The following BMPR2 variants were observed in gnomAD, a reference collection of about 807,000 sequenced individuals.
BMPR2 encodes bone morphogenetic protein receptor type 2.
Under a neutral mutation model 100.8 loss-of-function variants are expected in BMPR2, and 29 were observed. That is an observed-to-expected ratio of 0.29 (90% confidence interval 0.21 to 0.39). BMPR2 has a LOEUF of 0.39. BMPR2 is among the 10% of genes least tolerant of loss of function. BMPR2 has a pLI of 1.00. For synonymous variants in BMPR2, 382 were observed against 442.3 expected, an observed-to-expected ratio of 0.86 and a Z score of 1.71; for missense variants, 1,011 against 1,274.5, an observed-to-expected ratio of 0.79 and a Z score of 3.15.
intron 3 of BMPR2, among the ~76,000 whole-genome samples, chr2:202,510,188 G>A (rs964875956): frequency 6.6e-6 from 1 of 152,204 alleles, no homozygotes; most frequent in Non-Finnish European, 1.5e-5. Flanking sequence ...GGAGGCCAAG[G>A]TGGGCAGATC....
intron 3 of BMPR2, among the ~76,000 whole-genome samples, chr2:202,498,123 C>A (rs948499369): frequency 2.6e-5 from 4 of 152,158 alleles, no homozygotes; most frequent in Non-Finnish European, 4.4e-5. Flanking sequence ...GGCATAACAT[C>A]TTTATAGGAC....
chr2:202,465,724 G>A (rs1000933701), intron 2 of BMPR2, among the ~76,000 whole-genome samples: 2 of 152,122 alleles, frequency 1.3e-5, no homozygotes, highest in African/African-American at 4.8e-5. Flanking sequence ...CGGGCGTGGT[G>A]GCGGGCGCCT....
At chr2:202,466,779 G>A (rs1231569183) in intron 2 of BMPR2, among the ~76,000 whole-genome samples, 2 of 151,276 alleles carry the variant, frequency 1.3e-5, no homozygotes, top group Admixed American at 6.6e-5. Context: ...TTAAGTGTTT[G>A]TAGAGATGTG....
intron 1 of BMPR2, among the ~76,000 whole-genome samples, chr2:202,457,330 GTT>G (rs987263575): frequency 6.9e-6 from 1 of 145,518 alleles, no homozygotes; most frequent in Admixed American, 6.9e-5. Flanking sequence ...ATGATTAAGG[GTT>G]TTTTTTTTGT....
At chr2:202,518,757 T>A (rs1344994436) in intron 5 of BMPR2, 65 bp from the exon 6 acceptor site, 1 of 1,266,480 alleles carries the variant, frequency 7.9e-7, no homozygotes, top group Non-Finnish European at 1.1e-6. Context: ...TTGTACTTTA[T>A]TATTTAGTAA....
At chr2:202,557,504 CACACACACACAA>C (rs1688599241) in intron 12 of BMPR2, among the ~76,000 whole-genome samples, 1 of 145,234 alleles carries the variant, frequency 6.9e-6, no homozygotes, top group Non-Finnish European at 1.5e-5. Flanking sequence ...CACACACACA[CACACACACACAA>C]ATTAGCTGGG....
intron 7 of BMPR2, among the ~76,000 whole-genome samples, chr2:202,530,028 A>C (rs1246594616): frequency 1.3e-5 from 2 of 152,174 alleles, no homozygotes; most frequent in African/African-American, 2.4e-5. Flanking sequence ...TGAGAGGCTT[A>C]GGTTAGATTC....
chr2:202,530,865 T>A lies in BMPR2; in HGVS notation c.1039T>A (p.Cys347Ser). ...RNVLVKNDGT[C>S]VISDFGLSMR... ...TGTCCTAGTGAAAAATGATGGAACC[T>A]GTGTTATTAGTGACTTTGGACTGTC... Residue 347 changes from cysteine (C) to serine (S), a missense_variant, in exon 8 of 13, where the codon TGT becomes AGT. Cys to Ser is a moderately radical substitution (Grantham distance 112). Around this residue, in one of 6 missense-constraint regions of BMPR2, gnomAD observed 355 missense variants for 455.3 expected, o/e 0.78. Transcript: ENST00000374580. The A allele has an allele frequency of 1.2e-6, 2 of 1,613,950 alleles. No individual in the cohort carries two copies. Among genetic ancestry groups the A allele is most frequent in the Non-Finnish European group, 1.7e-6 (2 of 1,179,896 alleles).
Position 202,560,319 on chromosome 2 carries a change from C to T in BMPR2, c.*373C>T, listed in dbSNP as rs1164170625. ...TTTCTTAAGGTCATTAAAACAGAAG[C>T]AAATTAAGACAGGTTTGACTGCAGT... On this transcript the variant is annotated 3_prime_UTR_variant, in exon 13 of 13. Transcript: ENST00000374580. 1 of 236,904 alleles carries T rather than the reference C, an allele frequency of 4.2e-6. No individual in the cohort carries two copies. Among genetic ancestry groups the T allele is most frequent in the East Asian group, 1.1e-4 (1 of 9,228 alleles). The allele number at this position is 236,904 out of a possible 1,614,324, so 14.7% of individuals were successfully genotyped here.
At chr2:202,405,620 G>A (rs1024870875) in intron 1 of BMPR2, among the ~76,000 whole-genome samples, 4 of 148,786 alleles carry the variant, frequency 2.7e-5, no homozygotes, top group South Asian at 2.1e-4. Flanking sequence ...CTTGGGAGGC[G>A]GAACTTGCAG....
At chr2:202,466,157 T>C (rs1237898916) in intron 2 of BMPR2, among the ~76,000 whole-genome samples, 1 of 152,228 alleles carries the variant, frequency 6.6e-6, no homozygotes, top group Non-Finnish European at 1.5e-5. Flanking sequence ...TGTAGAATTA[T>C]TAGGTTATAA....
intron 3 of BMPR2, among the ~76,000 whole-genome samples, chr2:202,507,128 C>T (rs1431338308): frequency 6.6e-6 from 1 of 151,478 alleles, no homozygotes; most frequent in African/African-American, 2.4e-5. Context: ...TCTTCCTCCT[C>T]ACATGTACAG....
intron 3 of BMPR2, among the ~76,000 whole-genome samples, chr2:202,471,878 C>T (rs1012972543): frequency 6.6e-6 from 1 of 151,490 alleles, no homozygotes; most frequent in South Asian, 2.1e-4. Flanking sequence ...GAATAAAGGA[C>T]CATGATTCTA....
At chr2:202,483,986 C>T (rs944807027) in intron 3 of BMPR2, among the ~76,000 whole-genome samples, 11 of 152,096 alleles carry the variant, frequency 7.2e-5, no homozygotes, top group African/African-American at 2.7e-4. Context: ...CCTAGCTACT[C>T]CAGAAGCTGA....
intron 3 of BMPR2, among the ~76,000 whole-genome samples, chr2:202,482,061 A>G (rs1211503088): frequency 1.3e-5 from 2 of 152,216 alleles, no homozygotes; most frequent in Non-Finnish European, 2.9e-5. Context: ...AGTATATCAT[A>G]TAAGTAGAAT....
chr2:202,416,529 G>A (rs1310512004), intron 1 of BMPR2, among the ~76,000 whole-genome samples: 2 of 151,192 alleles, frequency 1.3e-5, no homozygotes, highest in African/African-American at 2.4e-5. Context: ...GGGTTCAAGC[G>A]ATTCTCCTGC....
intron 1 of BMPR2, among the ~76,000 whole-genome samples, chr2:202,459,873 A>AGTTGTATATGTC (rs1692191788): frequency 6.6e-6 from 1 of 152,258 alleles, no homozygotes; most frequent in African/African-American, 2.4e-5. Flanking sequence ...GCAACTGACA[A>AGTTGTATATGTC]AGGTGTAATA....
At chr2:202,522,936 G>C (rs981840591) in intron 7 of BMPR2, among the ~76,000 whole-genome samples, 2 of 152,048 alleles carry the variant, frequency 1.3e-5, no homozygotes, top group African/African-American at 4.8e-5. Context: ...AACTATCCAC[G>C]GAGTAAACAA....
rs116907961 is a variant in BMPR2, at chr2:202,551,680, T to C, written c.1414-1036T>C. 6.4e-4 allele frequency among the ~76,000 whole-genome samples: 97 copies of C among 152,250 alleles called. 1 individual carries two copies. The East Asian group carries it at 0.017, about 26-fold the overall frequency. ...TTTAAAGAAGAGATGTCTGTAAGTTTTAAGGTTGAAATGAGGCACTCTTTT... is the reference window on the plus strand; with the variant it reads ...TTTAAAGAAGAGATGTCTGTAAGTTCTAAGGTTGAAATGAGGCACTCTTTT... On this transcript the variant is annotated intron_variant, in intron 10 of 12. Coordinates refer to ENST00000374580, the MANE Select transcript of BMPR2 (RefSeq NM_001204.7).
Sources: gnomAD v4.1 joint callset for allele counts (sites outside exome capture counted in the v4.1 genomes callset) on GRCh38, gnomAD v4.1.1 for gene constraint, gnomAD v4.1.1 regional missense constraint, MANE v1.5 for transcripts, NCBI Gene and HGNC (gene_info 2026-07-23, HGNC 2026-07-21) for gene names.